Variants in BCL9L observed in about 807,000 individuals in gnomAD.
BCL9L encodes the protein BCL9 like.
A neutral mutation model predicts 99.4 loss-of-function variants in BCL9L; 19 were observed. That is an observed-to-expected ratio of 0.19 (90% confidence interval 0.13 to 0.28). The LOEUF is 0.28. Ranked by LOEUF, BCL9L falls within the 10% of genes least tolerant of loss-of-function variation. The pLI is 1.00. For missense variants in BCL9L, 2,023 were observed against 2,101.6 expected (o/e 0.96, Z 0.73); for synonymous variants, 900 against 854.8 (o/e 1.05, Z -0.92).
intron 2 of BCL9L, among the ~76,000 whole-genome samples, chr11:118,912,100 C>A (rs1940818647): frequency 6.6e-6 from 1 of 152,186 alleles, no homozygotes; most frequent in African/African-American, 2.4e-5. Context: ...TCTCACACCT[C>A]CCCCCTTTGC....
At chr11:118,919,463 C>T (rs776208824) in intron 1 of BCL9L, among the ~76,000 whole-genome samples, 68 of 152,086 alleles carry the variant, frequency 4.5e-4, no homozygotes, top group Admixed American at 9.2e-4. Flanking sequence ...CCGAGGGAGT[C>T]GGTTTAGCAA....
rs1391396932 is a variant in BCL9L at position 118,902,677 on chromosome 11, G to T, written c.1066C>A (p.Pro356Thr). 6.3e-7 allele frequency: 1 copy of T among 1,599,348 alleles called. No homozygotes were observed. Among genetic ancestry groups the T allele is most frequent in the Non-Finnish European group, 8.5e-7 (1 of 1,179,776 alleles). The change falls in exon 8 of 10, where the codon CCG becomes ACG. Residue 356 changes from proline (P) to threonine (T), a missense_variant. Pro to Thr is a conservative substitution (Grantham distance 38, BLOSUM62 -1). Around this residue, in one of 3 missense-constraint regions of BCL9L, gnomAD observed 1,116 missense variants for 1,194.6 expected, o/e 0.93. Coordinates refer to ENST00000683865, the MANE Select transcript of BCL9L (RefSeq NM_001378213.1). This position sits in a 1 kb window ranked among gnomAD's most constrained non-coding sequence, Gnocchi z 7.8. ...GGTGGTHPNT[P>T]TATTANNPLP... ...GGGTTGTTGGCGGTGGTAGCCGTCG[G>T]GGTGTTAGGGTGGGTGCCCCCAGTC...
At position 118,903,549 on chromosome 11, in the gene BCL9L, G is replaced by C; in HGVS notation, c.533-97C>G. On this transcript the variant is annotated intron_variant, in intron 5 of 9. Transcript: ENST00000683865. This position sits in a 1 kb window ranked among gnomAD's most constrained non-coding sequence, Gnocchi z 5.6. ...ACTGATGCTCACAGCCTTACAGCTCGTGCCCACAGGGACATTTGATGTCAG... is the reference window on the plus strand; with the variant it reads ...ACTGATGCTCACAGCCTTACAGCTCCTGCCCACAGGGACATTTGATGTCAG... The C allele has an allele frequency of 7.6e-7, 1 of 1,315,298 alleles. No individual in the cohort carries two copies. The highest frequency in any genetic ancestry group is 1.1e-6 in the Non-Finnish European group (1 of 931,606). 81.5% of individuals were successfully genotyped at this position (1,315,298 alleles called of 1,614,324 possible). A position where few individuals can be genotyped will look rare whatever the true frequency, so the allele number is the denominator to read the frequency against.
chr11:118,902,918 G>A lies in BCL9L; in HGVS notation c.835-10C>T. 1 of 1,587,804 alleles carries A rather than the reference G, an allele frequency of 6.3e-7. No individual in the cohort carries two copies. Among genetic ancestry groups the A allele is most frequent in the Non-Finnish European group, 8.5e-7 (1 of 1,172,556 alleles). On this transcript the variant is annotated splice_polypyrimidine_tract_variant and intron_variant, in intron 7 of 9. Transcript: ENST00000683865. This position sits in a 1 kb window ranked among gnomAD's most constrained non-coding sequence, Gnocchi z 7.8. ...GGGGCACTTTAGGGGCCTGCAGAAG[G>A]ACAAAGAGAGCATGAGACAGGTAAG...
At position 118,914,168 on chromosome 11, in the gene BCL9L, C is replaced by T. The variant is rs1940894226; in HGVS notation, c.-76-4153G>A. Among the ~76,000 whole-genome samples the T allele has an allele frequency of 6.6e-6, 1 of 152,180 alleles. No homozygotes were observed. Among genetic ancestry groups the T allele is most frequent in the Non-Finnish European group, 1.5e-5 (1 of 68,022 alleles). Reference sequence around the variant, plus strand: ...ACTTCCCAAGCCTGGGTTCCCAGAACAGGCAGAGATGGGCAAGGCAGCTCC... The same window carrying T: ...ACTTCCCAAGCCTGGGTTCCCAGAATAGGCAGAGATGGGCAAGGCAGCTCC... On this transcript the variant is annotated intron_variant, in intron 2 of 9. Transcript: ENST00000683865. This position sits in a 1 kb window ranked among gnomAD's most constrained non-coding sequence, Gnocchi z 4.4.
intron 2 of BCL9L, chr11:118,911,054 C>T (rs1940774153): frequency 5.8e-6 from 2 of 346,608 alleles, no homozygotes; most frequent in South Asian, 4.2e-5. Flanking sequence ...AGACTGAGGC[C>T]GGCCACAAGA....
rs568859797 is a variant in BCL9L, at chr11:118,899,313, G to A, written c.3602C>T (p.Ser1201Phe). ...AQGTGGPPQN[S>F]MMMAPGGPDS... ...GGGGCCCCCTGGGGCCATCATCATGGAGTTTTGAGGGGGCCCCCCTGTCCC... is the reference window on the plus strand; with the variant it reads ...GGGGCCCCCTGGGGCCATCATCATGAAGTTTTGAGGGGGCCCCCCTGTCCC... Residue 1201 changes from serine (S) to phenylalanine (F), a missense_variant, in exon 10 of 10, where the codon TCC (serine) becomes TTC (phenylalanine). Ser to Phe is a radical substitution (Grantham distance 155). Around this residue, in one of 3 missense-constraint regions of BCL9L, gnomAD observed 902 missense variants for 888.2 expected, o/e 1.02. Coordinates refer to ENST00000683865, the MANE Select transcript of BCL9L (RefSeq NM_001378213.1). 3 of 1,548,368 alleles carry A rather than the reference G, an allele frequency of 1.9e-6. No individual in the cohort carries two copies. Among genetic ancestry groups the A allele is most frequent in the Admixed American group, 2.0e-5 (1 of 51,270 alleles).
chr11:118,898,181 G>C lies in BCL9L; in HGVS notation c.*234C>G. ...AATTGGGAGGAGTGGGGGAGGGGCA[G>C]TCCTGGTGGCCGAAATGGAACCAAC... On this transcript the variant is annotated 3_prime_UTR_variant, in exon 10 of 10. Transcript: ENST00000683865. 3.3e-6 allele frequency: 2 copies of C among 608,876 alleles called. No homozygotes were observed. The highest frequency in any genetic ancestry group is 3.7e-5 in the African/African-American group (2 of 53,942). The allele number at this position is 608,876 out of a possible 1,614,324, so 37.7% of individuals were successfully genotyped here.
intron 2 of BCL9L, among the ~76,000 whole-genome samples, chr11:118,917,489 G>A (rs992849552): frequency 6.6e-6 from 1 of 152,152 alleles, no homozygotes; most frequent in Admixed American, 6.5e-5. Context: ...CATAATTTTA[G>A]AAGAAGCAGG....
Position 118,901,555 on chromosome 11 carries a change from C to A in BCL9L, c.2188G>T (p.Gly730Cys), listed in dbSNP as rs912991612. ...PAMFPGQMAGGEGLAGTPMGM... is the reference protein window; with the variant it reads ...PAMFPGQMAGCEGLAGTPMGM... ...ATGGGAGTGCCCGCCAGGCCCTCAC[C>A]ACCAGCCATCTGCCCGGGAAACATG... Residue 730 changes from glycine (G) to cysteine (C), a missense_variant, in exon 8 of 10, where the codon GGT becomes TGT. By Grantham distance (159) the Gly-to-Cys change is radical (BLOSUM62 -3). This residue lies in a region of BCL9L where 1,116 missense variants were observed against 1,194.6 expected (regional missense o/e 0.93). Coordinates refer to ENST00000683865, the MANE Select transcript of BCL9L (RefSeq NM_001378213.1). The surrounding 1 kb of genome is among the most constrained non-coding windows in gnomAD (Gnocchi z 6.6). 5 of 1,614,040 alleles carry A rather than the reference C, an allele frequency of 3.1e-6. No homozygotes were observed. The highest frequency in any genetic ancestry group is 1.7e-5 in the Admixed American group (1 of 60,014).
In BCL9L at chr11:118,914,255, TA is replaced by T. The variant is rs1391017958; in HGVS notation, c.-76-4241del. Among the ~76,000 whole-genome samples, 3 of 151,842 alleles carry T rather than the reference TA, an allele frequency of 2.0e-5. No homozygotes were observed. The highest frequency in any genetic ancestry group is 4.4e-5 in the Non-Finnish European group (3 of 67,934). ...TTAATCTGTCCCCTATTTAGGGGGG[TA>T]GGGGTGGCCGAGGAACCTCCTCCAA... is the stretch of plus-strand genomic sequence containing the variant. On this transcript the variant is annotated intron_variant, in intron 2 of 9. Transcript: ENST00000683865. The surrounding 1 kb of genome is among the most constrained non-coding windows in gnomAD (Gnocchi z 4.4).
rs1310927178 is a variant in BCL9L, at chr11:118,903,497, A to G, written c.533-45T>C. Reference sequence around the variant, plus strand: ...GAAAGGGGCTAAGTGGTCTAGATACAAGAAGGACCAGCTGATGCCCCCTCC... The same window carrying G: ...GAAAGGGGCTAAGTGGTCTAGATACGAGAAGGACCAGCTGATGCCCCCTCC... On this transcript the variant is annotated intron_variant, in intron 5 of 9. Transcript: ENST00000683865. This position sits in a 1 kb window ranked among gnomAD's most constrained non-coding sequence, Gnocchi z 5.6. 3.1e-6 allele frequency: 5 copies of G among 1,590,306 alleles called. No homozygotes were observed. The highest frequency in any genetic ancestry group is 1.7e-4 in the Middle Eastern group (1 of 5,796).
In BCL9L at chr11:118,900,106, A is replaced by C. The variant is rs1338873712; in HGVS notation, c.3217T>G (p.Ser1073Ala). The part of the protein sequence containing the change: ...GLMNPSLPFT[S>A]SPDPTPSQNP... ...TGGGAAGGTGTGGGGTCTGGGGAGG[A>C]AGTGAATGGTAGGCTGGGGTTCATG... Residue 1073 changes from serine (S) to alanine (A), a missense_variant, in exon 9 of 10, where the codon TCC becomes GCC. Ser to Ala is a moderately conservative substitution (Grantham distance 99, BLOSUM62 1). Coordinates refer to ENST00000683865, the MANE Select transcript of BCL9L (RefSeq NM_001378213.1). The surrounding 1 kb of genome is among the most constrained non-coding windows in gnomAD (Gnocchi z 5.3). 6.2e-7 allele frequency: 1 copy of C among 1,613,584 alleles called. No homozygotes were observed. Among genetic ancestry groups the C allele is most frequent in the Admixed American group, 1.7e-5 (1 of 59,960 alleles).
intron 2 of BCL9L, among the ~76,000 whole-genome samples, chr11:118,912,564 G>T (rs544300273): frequency 6.6e-6 from 1 of 152,296 alleles, no homozygotes; most frequent in East Asian, 1.9e-4. Flanking sequence ...ATCCTAGCTG[G>T]GGGAGGGAGC....
In BCL9L at chr11:118,914,561, C is replaced by T. The variant is rs1172529063; in HGVS notation, c.-77+4265G>A. Among the ~76,000 whole-genome samples, 3 of 152,126 alleles carry T rather than the reference C, an allele frequency of 2.0e-5. No homozygotes were observed. The highest frequency in any genetic ancestry group is 4.4e-5 in the Non-Finnish European group (3 of 68,016). On this transcript the variant is annotated intron_variant, in intron 2 of 9. Transcript: ENST00000683865. This position sits in a 1 kb window ranked among gnomAD's most constrained non-coding sequence, Gnocchi z 4.4. The stretch of plus-strand genomic sequence containing the variant: ...CATGACCCTCCAGGATGCAGGGGCA[C>T]GTGGGCCAGGCCGGGAGGGGTGGGG...
intron 4 of BCL9L, among the ~76,000 whole-genome samples, chr11:118,907,941 C>G (rs978512575): frequency 6.6e-6 from 1 of 152,200 alleles, no homozygotes; most frequent in Non-Finnish European, 1.5e-5. Context: ...AGCCGGGATA[C>G]GGAGGCTCCT....
intron 2 of BCL9L, among the ~76,000 whole-genome samples, chr11:118,911,593 T>C (rs1212860064): frequency 6.6e-6 from 1 of 152,236 alleles, no homozygotes; most frequent in Non-Finnish European, 1.5e-5. Context: ...CTGGCTGGCA[T>C]GCATCTCAGG....
rs116712532 is a variant in BCL9L at position 118,914,124 on chromosome 11, T to C, written c.-76-4109A>G. ...TCTCAGGAGGTGGTGTGGTGCTGGG[T>C]TCACATGGGTAGAAGGTAACTTCCC... On this transcript the variant is annotated intron_variant, in intron 2 of 9. Coordinates refer to ENST00000683865, the MANE Select transcript of BCL9L (RefSeq NM_001378213.1). The surrounding 1 kb of genome is among the most constrained non-coding windows in gnomAD (Gnocchi z 4.4). Among the ~76,000 whole-genome samples the C allele has an allele frequency of 0.014, 2,083 of 152,176 alleles. 54 individuals are homozygous for C. The highest frequency in any genetic ancestry group is 0.048 in the African/African-American group (1,980 of 41,518).
At chr11:118,924,934 G>T (rs879287963) in intron 1 of BCL9L, among the ~76,000 whole-genome samples, 3 of 152,222 alleles carry the variant, frequency 2.0e-5, no homozygotes, top group Non-Finnish European at 4.4e-5. Flanking sequence ...AGCCCCCAGG[G>T]CAAGGTTCGC....
Sources: gnomAD v4.1 joint callset for allele counts (sites outside exome capture counted in the v4.1 genomes callset) on GRCh38, gnomAD v4.1.1 for gene constraint, gnomAD v4.1.1 regional missense constraint, Gnocchi (gnomAD v3.1) non-coding constraint, MANE v1.5 for transcripts, NCBI Gene and HGNC (gene_info 2026-07-23, HGNC 2026-07-21) for gene names.